The following RIPOR2 variants were observed in gnomAD, a reference collection of about 807,000 sequenced individuals.
RIPOR2 encodes the protein RHO family interacting cell polarization regulator 2.
RIPOR2 carries 39 observed loss-of-function variants against 114.5 expected under a neutral mutation model. The observed-to-expected ratio is 0.34, with a 90% CI of 0.26 to 0.44. The LOEUF is 0.44. Ranked by LOEUF, RIPOR2 falls within the 20% of genes least tolerant of loss-of-function variation. The pLI is 1.00. For missense variants in RIPOR2, 1,007 were observed against 1,255.1 expected, an observed-to-expected ratio of 0.80 and a Z score of 2.99; for synonymous variants, 445 against 484.4, an observed-to-expected ratio of 0.92 and a Z score of 1.07.
intron 1 of RIPOR2, among the ~76,000 whole-genome samples, chr6:25,030,293 C>T (rs1349309143): frequency 6.6e-6 from 1 of 152,126 alleles, no homozygotes; most frequent in Admixed American, 6.5e-5. Context: ...ACTGTCCCTT[C>T]GTAGTTGCCA....
At chr6:24,824,481 T>C (rs1759983916) in intron 19 of RIPOR2, among the ~76,000 whole-genome samples, 1 of 152,176 alleles carries the variant, frequency 6.6e-6, no homozygotes, top group Non-Finnish European at 1.5e-5. Flanking sequence ...GATCTGGATT[T>C]TGATGAGAGT....
intron 1 of RIPOR2, among the ~76,000 whole-genome samples, chr6:24,912,857 G>A (rs1440274458): frequency 2.0e-5 from 3 of 152,162 alleles, no homozygotes; most frequent in Non-Finnish European, 4.4e-5. Context: ...GGAAGAGGAT[G>A]AAAAGAGAGA....
At chr6:24,900,741 G>C (rs9358807) in intron 1 of RIPOR2, among the ~76,000 whole-genome samples, 19,623 of 152,274 alleles carry the variant, frequency 0.13, 1,602 homozygotes, top group South Asian at 0.21. Context: ...CTGGGTGACA[G>C]AGTGAGACTC....
At chr6:24,879,588 A>C (rs760554017) in intron 1 of RIPOR2, among the ~76,000 whole-genome samples, 2 of 152,148 alleles carry the variant, frequency 1.3e-5, no homozygotes, top group Non-Finnish European at 2.9e-5. Flanking sequence ...CACACACACA[A>C]AGTCTGGCTC....
chr6:25,023,988 C>G (rs1317867179), intron 1 of RIPOR2: 6 of 740,184 alleles, frequency 8.1e-6, no homozygotes, highest in Non-Finnish European at 1.5e-5. Flanking sequence ...GGATAGGAAT[C>G]CCGTGCTGCT....
intron 1 of RIPOR2, among the ~76,000 whole-genome samples, chr6:25,004,582 A>G (rs536997274): frequency 6.6e-6 from 1 of 152,196 alleles, no homozygotes; most frequent in South Asian, 2.1e-4. Flanking sequence ...ATCAGGACTC[A>G]AGAAGCCAGG....
intron 21 of RIPOR2, among the ~76,000 whole-genome samples, chr6:24,806,974 C>G (rs1780811467): frequency 2.6e-5 from 4 of 152,296 alleles, no homozygotes; most frequent in Admixed American, 2.0e-4. Flanking sequence ...TTCTACCAGC[C>G]ACCAGCTAGT....
intron 1 of RIPOR2, among the ~76,000 whole-genome samples, chr6:25,005,561 C>T (rs1775514247): frequency 6.6e-6 from 1 of 151,188 alleles, no homozygotes; most frequent in South Asian, 2.1e-4. Context: ...AAAAAATTAT[C>T]CTTAACTGTG....
At chr6:25,016,065 A>G (rs528117480) in intron 1 of RIPOR2, among the ~76,000 whole-genome samples, 74 of 151,620 alleles carry the variant, frequency 4.9e-4, no homozygotes, top group Non-Finnish European at 4.9e-4. Flanking sequence ...CATCATGCCT[A>G]GCTAATTTTT....
intron 1 of RIPOR2, among the ~76,000 whole-genome samples, chr6:25,030,760 G>A (rs1453281354): frequency 2.7e-5 from 4 of 149,186 alleles, no homozygotes; most frequent in Non-Finnish European, 5.9e-5. Flanking sequence ...GTGCAATGGC[G>A]TGATCTCGGT....
At chr6:24,850,295 A>G (rs1228552109) in intron 10 of RIPOR2, among the ~76,000 whole-genome samples, 1 of 151,222 alleles carries the variant, frequency 6.6e-6, no homozygotes, top group Non-Finnish European at 1.5e-5. Flanking sequence ...GCGTTTTGCC[A>G]TGTTGGCCAG....
intron 1 of RIPOR2, among the ~76,000 whole-genome samples, chr6:24,902,085 G>T (rs1193049014): frequency 6.6e-6 from 1 of 152,210 alleles, no homozygotes; most frequent in African/African-American, 2.4e-5. Context: ...CAGAAGAGAA[G>T]CGGTAGAAAA....
chr6:24,838,882 T>C (rs908941426), intron 14 of RIPOR2, among the ~76,000 whole-genome samples: 2 of 152,168 alleles, frequency 1.3e-5, no homozygotes, highest in Non-Finnish European at 2.9e-5. Flanking sequence ...TAAAGATATT[T>C]ATTTTCCCTT....
At chr6:24,824,727 G>C (rs1317247769) in intron 19 of RIPOR2, among the ~76,000 whole-genome samples, 2 of 152,134 alleles carry the variant, frequency 1.3e-5, no homozygotes, top group Non-Finnish European at 2.9e-5. Context: ...CTGCTCATAA[G>C]ACATGCCTGT....
In RIPOR2 at chr6:25,041,801, A is replaced by C. The variant is rs1395664323; in HGVS notation, c.76+50T>G. The stretch of plus-strand genomic sequence containing the variant: ...GCAAGAAATGAGTGTGTTGCGGGAA[A>C]GTGTGGAAAACAAAGGCAGAGAGTA... On this transcript the variant is annotated intron_variant, in intron 1 of 13. Coordinates refer to the RIPOR2 transcript ENST00000510784. The C allele has an allele frequency of 7.2e-6, 5 of 690,174 alleles. 1 individual carries two copies. The South Asian group carries it at 7.6e-5, about 10-fold the overall frequency. 42.8% of individuals were successfully genotyped at this position (690,174 alleles called of 1,614,324 possible). A position where few individuals can be genotyped will look rare whatever the true frequency, so the allele number is the denominator to read the frequency against.
At chr6:24,885,418 G>T (rs533657666) in intron 1 of RIPOR2, among the ~76,000 whole-genome samples, 1 of 151,992 alleles carries the variant, frequency 6.6e-6, no homozygotes, top group South Asian at 2.1e-4. Flanking sequence ...AAGACGAGAT[G>T]TTGCTATGCT....
At chr6:24,942,633 T>C (rs1772195925) in intron 1 of RIPOR2, among the ~76,000 whole-genome samples, 1 of 152,206 alleles carries the variant, frequency 6.6e-6, no homozygotes, top group African/African-American at 2.4e-5. Context: ...TATCTCATTG[T>C]GGTTTTGATT....
intron 1 of RIPOR2, among the ~76,000 whole-genome samples, chr6:24,984,015 A>T (rs2149453): frequency 0.99 from 150,831 of 152,312 alleles, 74,695 homozygotes; most frequent in East Asian, 1. Flanking sequence ...GTGGTCCTCA[A>T]GGACCATAAG....
intron 1 of RIPOR2, among the ~76,000 whole-genome samples, chr6:25,038,949 C>T (rs1777362673): frequency 6.6e-6 from 1 of 152,214 alleles, no homozygotes; most frequent in Non-Finnish European, 1.5e-5. Context: ...AAGGAGAGAG[C>T]TGTGGTTGAT....
Sources: gnomAD v4.1 joint callset for allele counts (sites outside exome capture counted in the v4.1 genomes callset) on GRCh38, gnomAD v4.1.1 for gene constraint, MANE v1.5 for transcripts, NCBI Gene and HGNC (gene_info 2026-07-23, HGNC 2026-07-21) for gene names.